The following PCBP3 variants were observed in gnomAD, a reference collection of about 807,000 sequenced individuals.
The protein encoded by PCBP3 is poly(rC)-binding protein 3.
Under a neutral mutation model 52.7 loss-of-function variants are expected in PCBP3, and 25 were observed. The observed-to-expected ratio is 0.47, with a 90% CI of 0.35 to 0.66. PCBP3 has a LOEUF of 0.66. PCBP3 is among the 30% of genes least tolerant of loss of function. PCBP3 has a pLI of 0.01. For missense variants in PCBP3, 391 were observed against 490.3 expected, an observed-to-expected ratio of 0.80 and a Z score of 1.91; for synonymous variants, 162 against 183.0, an observed-to-expected ratio of 0.89 and a Z score of 0.93.
chr21:45,846,087 C>T (rs2093805054), intron 4 of PCBP3, among the ~76,000 whole-genome samples: 1 of 152,172 alleles, frequency 6.6e-6, no homozygotes, highest in South Asian at 2.1e-4. Flanking sequence ...TCTCAGGCTC[C>T]CCTGGGCGTG....
intron 4 of PCBP3, among the ~76,000 whole-genome samples, 154 bp from the exon 5 acceptor site, chr21:45,849,807 C>T (rs956220840): frequency 1.3e-5 from 2 of 152,166 alleles, no homozygotes; most frequent in Non-Finnish European, 2.9e-5. Flanking sequence ...CTTGCTGGCA[C>T]TCTGTCTCCA....
At chr21:45,832,211 T>C (rs1456023498) in intron 4 of PCBP3, among the ~76,000 whole-genome samples, 1 of 152,226 alleles carries the variant, frequency 6.6e-6, no homozygotes, top group Non-Finnish European at 1.5e-5. Context: ...CTTCCTGATG[T>C]TGCCATGGCA....
intron 11 of PCBP3, 110 bp from the exon 12 acceptor site, chr21:45,913,841 C>A: frequency 2.1e-6 from 2 of 960,080 alleles, no homozygotes; most frequent in Non-Finnish European, 3.1e-6. Flanking sequence ...GTGTGGGGAG[C>A]GTGGAGCTGG....
intron 13 of PCBP3, among the ~76,000 whole-genome samples, chr21:45,921,311 G>A (rs375927891): frequency 1.5e-4 from 23 of 151,890 alleles, no homozygotes; most frequent in East Asian, 5.8e-4. Flanking sequence ...CCACAGTGCC[G>A]GCTTATATAC....
chr21:45,653,989 A>G (rs533293804), intron 1 of PCBP3, among the ~76,000 whole-genome samples: 125 of 152,294 alleles, frequency 8.2e-4, no homozygotes, highest in African/African-American at 2.9e-3. Flanking sequence ...GACAGATCAT[A>G]GTTTCTTAGA....
chr21:45,650,896 G>C (rs2079634734), intron 1 of PCBP3, among the ~76,000 whole-genome samples: 1 of 152,102 alleles, frequency 6.6e-6, no homozygotes. Context: ...GAGTCATTCT[G>C]GCCATACCTA....
At position 45,724,655 on chromosome 21, in the gene PCBP3, C is replaced by T. The variant is rs377456128; in HGVS notation, c.-199-10737C>T. On this transcript the variant is annotated intron_variant, in intron 2 of 17. Coordinates refer to ENST00000681687, the MANE Select transcript of PCBP3 (RefSeq NM_001384156.1). This position sits in a 1 kb window ranked among gnomAD's most constrained non-coding sequence, Gnocchi z 5.3. ...GGTGTGAGACGTGTAGATTTGTGGG[C>T]AGTGATGGGGAACAGCAAGGGTGGG... Among the ~76,000 whole-genome samples, 3 of 150,162 alleles carry T rather than the reference C, an allele frequency of 2.0e-5. No homozygotes were observed. The highest frequency in any genetic ancestry group is 3.2e-3 in the Middle Eastern group (1 of 314).
intron 1 of PCBP3, among the ~76,000 whole-genome samples, chr21:45,667,263 C>T (rs896588163): frequency 6.6e-6 from 1 of 151,976 alleles, no homozygotes; most frequent in Non-Finnish European, 1.5e-5. Flanking sequence ...CCACCTCAGC[C>T]TCCCAAAATG....
At chr21:45,726,415 G>C (rs940931010) in intron 2 of PCBP3, among the ~76,000 whole-genome samples, 2 of 152,112 alleles carry the variant, frequency 1.3e-5, no homozygotes, top group African/African-American at 2.4e-5. Context: ...TGTGGCTGGA[G>C]CCCAGAAGAG....
chr21:45,792,272 G>A (rs2091648065), intron 4 of PCBP3, among the ~76,000 whole-genome samples: 1 of 152,264 alleles, frequency 6.6e-6, no homozygotes, highest in African/African-American at 2.4e-5. Flanking sequence ...CTGCGGCAAG[G>A]GCAAGAGAAC....
At chr21:45,696,152 A>G (rs2082762362) in intron 2 of PCBP3, among the ~76,000 whole-genome samples, 1 of 151,632 alleles carries the variant, frequency 6.6e-6, no homozygotes, top group African/African-American at 2.4e-5. Context: ...ATACATACGG[A>G]AAACATGAAC....
intron 4 of PCBP3, among the ~76,000 whole-genome samples, chr21:45,823,527 G>A (rs2093211669): frequency 6.6e-6 from 1 of 152,074 alleles, no homozygotes; most frequent in Non-Finnish European, 1.5e-5. Context: ...CCGTTCTTCT[G>A]AGAGTTTTTT....
chr21:45,677,014 C>A (rs11700490), intron 2 of PCBP3, among the ~76,000 whole-genome samples: 2 of 152,212 alleles, frequency 1.3e-5, no homozygotes, highest in African/African-American at 4.8e-5. Context: ...TTCAAGTGAT[C>A]CACCTGCCTC....
In PCBP3 at chr21:45,788,577, T is replaced by C. The variant is rs1185357615; in HGVS notation, c.-126+33125T>C. The C allele has an allele frequency of 6.6e-6, 1 of 152,428 alleles. No individual in the cohort carries two copies. The highest frequency in any genetic ancestry group is 1.5e-5 in the Non-Finnish European group (1 of 68,246). The allele number at this position is 152,428 out of a possible 1,614,324, so 9.4% of individuals were successfully genotyped here. On this transcript the variant is annotated intron_variant, in intron 4 of 17. Transcript: ENST00000681687. This position sits in a 1 kb window ranked among gnomAD's most constrained non-coding sequence, Gnocchi z 4.3. ...ACCCCACGGGGCCGATCCTGACTTC[T>C]GGTTGCTCCCTTTGCTTGACCGTTC...
chr21:45,909,651 C>A (rs1341586422), intron 10 of PCBP3, among the ~76,000 whole-genome samples, 165 bp downstream of exon 10: 1 of 152,094 alleles, frequency 6.6e-6, no homozygotes, highest in Non-Finnish European at 1.5e-5. Context: ...ACACAGGACC[C>A]ATGAGCAAGC....
chr21:45,753,873 C>T (rs918006991), intron 3 of PCBP3, among the ~76,000 whole-genome samples: 5 of 152,104 alleles, frequency 3.3e-5, no homozygotes, highest in African/African-American at 7.2e-5. Flanking sequence ...TAATATTGTG[C>T]AGCTTTCTCC....
At chr21:45,650,541 C>T (rs953314848) in intron 1 of PCBP3, among the ~76,000 whole-genome samples, 9 of 152,088 alleles carry the variant, frequency 5.9e-5, no homozygotes, top group Admixed American at 2.6e-4. Flanking sequence ...GCCTTGAAGT[C>T]CTGGACTCGA....
At chr21:45,918,255 G>A (rs3788232) in intron 13 of PCBP3, 7,285 of 155,982 alleles carry the variant, frequency 0.047, 395 homozygotes, top group African/African-American at 0.12. Context: ...CGGGGGCTCC[G>A]ACACCTCTTT....
chr21:45,781,424 G>C (rs934308268), intron 4 of PCBP3, among the ~76,000 whole-genome samples: 1 of 152,182 alleles, frequency 6.6e-6, no homozygotes, highest in Admixed American at 6.5e-5. Flanking sequence ...GATGCTCAGC[G>C]TCATTGTCAT....
Sources: allele counts gnomAD v4.1 joint callset (sites outside exome capture counted in the v4.1 genomes callset), GRCh38; gene constraint gnomAD v4.1.1; non-coding constraint Gnocchi (gnomAD v3.1); transcripts MANE v1.5; gene names NCBI Gene and HGNC (gene_info 2026-07-23, HGNC 2026-07-21).